The following MRPS28 variants were observed in gnomAD, a reference collection of about 807,000 sequenced individuals.
MRPS28 encodes small ribosomal subunit protein bS1m.
A neutral mutation model predicts 10.8 loss-of-function variants in MRPS28; 7 were observed. The ratio of observed to expected loss-of-function variants is 0.65; its 90% CI spans 0.37 to 1.22. The LOEUF (loss-of-function observed/expected upper bound fraction) is 1.22, where lower values mean the gene tolerates loss of function less well. Among genes scored for constraint, MRPS28 ranks in the 50% most tolerant of loss-of-function variants. MRPS28 has a pLI of 0.02. For missense variants in MRPS28, 265 were observed against 232.9 expected (o/e 1.14, Z -0.90); for synonymous variants, 121 against 93.3 (o/e 1.30, Z -1.71).
Position 80,030,045 on chromosome 8 carries a change from G to A in MRPS28, c.204C>T (p.Pro68=), listed in dbSNP as rs754085499. The A allele has an allele frequency of 1.9e-5, 30 of 1,613,242 alleles. No individual in the cohort carries two copies. Among genetic ancestry groups the A allele is most frequent in the Admixed American group, 1.7e-4 (10 of 59,966 alleles). ...CCCGCCCGGGCTCCACCTTCTGTAG[G>A]GGCTCCACCTTCTGTAGAAGCTCCG... ...RHSELLQKVE[P]LQKGSPKNVE... The change falls in exon 1 of 3, where the codon CCC becomes CCT. Residue 68 remains proline, a synonymous_variant. Coordinates refer to ENST00000276585, the MANE Select transcript of MRPS28 (RefSeq NM_014018.3).
At chr8:80,015,339 CAT>C (rs1809166585) in intron 1 of MRPS28, among the ~76,000 whole-genome samples, 1 of 152,196 alleles carries the variant, frequency 6.6e-6, no homozygotes, top group African/African-American at 2.4e-5. Context: ...ATGCATATGA[CAT>C]GTGTCCTCAA....
intron 2 of MRPS28, among the ~76,000 whole-genome samples, chr8:79,939,148 G>A (rs944770429): frequency 3.3e-5 from 5 of 152,120 alleles, no homozygotes; most frequent in African/African-American, 1.2e-4. Context: ...CTTCCCTTCA[G>A]AATGATTTTG....
intron 2 of MRPS28, among the ~76,000 whole-genome samples, chr8:79,950,392 T>G (rs563991214): frequency 6.6e-6 from 1 of 152,330 alleles, no homozygotes; most frequent in East Asian, 1.9e-4. Flanking sequence ...CTCCCAGGAA[T>G]GAGTAAGTTA....
chr8:79,949,368 T>C (rs1435767327), intron 2 of MRPS28, among the ~76,000 whole-genome samples: 24 of 150,106 alleles, frequency 1.6e-4, no homozygotes, highest in Admixed American at 1.3e-3. Flanking sequence ...GAGCCGAGAT[T>C]GCGCCACTGC....
At chr8:79,962,426 C>T in intron 2 of MRPS28, among the ~76,000 whole-genome samples, 1 of 152,144 alleles carries the variant, frequency 6.6e-6, no homozygotes, top group East Asian at 1.9e-4. Context: ...TCATCAAGGT[C>T]CCAGTGGGAT....
intron 2 of MRPS28, among the ~76,000 whole-genome samples, chr8:79,964,771 G>A (rs1216893286): frequency 1.3e-5 from 2 of 152,100 alleles, no homozygotes; most frequent in Non-Finnish European, 2.9e-5. Flanking sequence ...CACCATGTGA[G>A]CATTCAATAA....
In MRPS28 at chr8:80,030,143, C is replaced by T. The variant is rs369717508; in HGVS notation, c.106G>A (p.Glu36Lys). Residue 36 changes from glutamate to lysine, a missense_variant, in exon 1 of 3, where the codon GAA (glutamate) becomes AAA (lysine). Transcript: ENST00000276585. ...TCCTTGGCATTGGAACTACCACTTT[C>T]GGATCCACTCTCAGTGCCTACACCC... ...FRGVGTESGS[E>K]SGSSNAKEPK... 2.4e-5 allele frequency: 39 copies of T among 1,612,572 alleles called. No homozygotes were observed. Among genetic ancestry groups the T allele is most frequent in the Middle Eastern group, 3.3e-4 (2 of 6,084 alleles).
chr8:79,942,883 G>A (rs1806806648), intron 2 of MRPS28, among the ~76,000 whole-genome samples: 1 of 152,044 alleles, frequency 6.6e-6, no homozygotes, highest in Non-Finnish European at 1.5e-5. Context: ...GCCCCAAGAA[G>A]GGGAAATTCT....
chr8:80,004,247 G>C (rs1458058089), intron 1 of MRPS28, among the ~76,000 whole-genome samples: 2 of 152,212 alleles, frequency 1.3e-5, no homozygotes, highest in South Asian at 2.1e-4. Flanking sequence ...AGTAGGGGCA[G>C]ACTGACACCT....
chr8:79,921,104 A>G (rs1262173078), intron 2 of MRPS28, among the ~76,000 whole-genome samples: 1 of 152,118 alleles, frequency 6.6e-6, no homozygotes, highest in Admixed American at 6.5e-5. Context: ...AGTTGTAGAT[A>G]TGAGGCATTA....
At chr8:80,020,521 C>T (rs569610749) in intron 1 of MRPS28, among the ~76,000 whole-genome samples, 1 of 152,100 alleles carries the variant, frequency 6.6e-6, no homozygotes, top group East Asian at 1.9e-4. Context: ...CAGATGCTGA[C>T]GAAAAATGGA....
At chr8:79,944,688 C>CTTTT (rs1401670039) in intron 2 of MRPS28, among the ~76,000 whole-genome samples, 1 of 80,060 alleles carries the variant, frequency 1.2e-5, no homozygotes, top group Non-Finnish European at 2.3e-5. Flanking sequence ...CATAATTTTT[C>CTTTT]TTTTTCTTTT....
At chr8:80,006,025 T>C (rs915662789) in intron 1 of MRPS28, among the ~76,000 whole-genome samples, 8 of 152,074 alleles carry the variant, frequency 5.3e-5, no homozygotes, top group East Asian at 1.9e-4. Flanking sequence ...GACTCCCACA[T>C]AATAATAATG....
intron 1 of MRPS28, among the ~76,000 whole-genome samples, chr8:80,017,506 AT>A (rs1809227129): frequency 6.6e-6 from 1 of 152,236 alleles, no homozygotes; most frequent in Non-Finnish European, 1.5e-5. Flanking sequence ...CCTAAATTAA[AT>A]GGATTAATTC....
intron 2 of MRPS28, among the ~76,000 whole-genome samples, chr8:79,975,615 G>A (rs956412318): frequency 2.6e-5 from 4 of 151,666 alleles, no homozygotes; most frequent in Admixed American, 2.0e-4. Context: ...ATTCATTTAA[G>A]AATTAAATAA....
intron 1 of MRPS28, among the ~76,000 whole-genome samples, chr8:80,029,336 A>C (rs977561346): frequency 6.6e-6 from 1 of 152,234 alleles, no homozygotes; most frequent in Non-Finnish European, 1.5e-5. Flanking sequence ...AAATACAGAA[A>C]TTGAGAGTTT....
At chr8:79,943,707 T>C (rs925875617) in intron 2 of MRPS28, among the ~76,000 whole-genome samples, 2 of 152,196 alleles carry the variant, frequency 1.3e-5, no homozygotes, top group Non-Finnish European at 2.9e-5. Flanking sequence ...GTGTTTCTGT[T>C]TCAATAAAAT....
At chr8:79,974,399 G>A (rs1807730314) in intron 2 of MRPS28, among the ~76,000 whole-genome samples, 2 of 151,852 alleles carry the variant, frequency 1.3e-5, no homozygotes, top group Admixed American at 6.6e-5. Context: ...AATTAGCCAG[G>A]CGTGGTGGTG....
intron 1 of MRPS28, among the ~76,000 whole-genome samples, chr8:80,016,682 T>C (rs140938661): frequency 8.6e-4 from 131 of 152,314 alleles, no homozygotes; most frequent in African/African-American, 2.8e-3. Flanking sequence ...TAATTAGTAA[T>C]TGATCTAACA....
Sources: allele counts gnomAD v4.1 joint callset (sites outside exome capture counted in the v4.1 genomes callset), GRCh38; gene constraint gnomAD v4.1.1; transcripts MANE v1.5; gene names NCBI Gene and HGNC (gene_info 2026-07-23, HGNC 2026-07-21).